MAP1B: variants seen among roughly 807,000 people sequenced by gnomAD.
MAP1B encodes the protein microtubule-associated protein 1B.
In MAP1B, 12 loss-of-function variants were observed where a neutral mutation model predicts 176.1. That is an observed-to-expected ratio of 0.07 (90% confidence interval 0.04 to 0.11). MAP1B has a LOEUF of 0.11. Ranked by LOEUF, MAP1B falls within the 10% of genes least tolerant of loss-of-function variation. MAP1B has a pLI of 1.00. For missense variants in MAP1B, 2,523 were observed against 2,990.5 expected, an observed-to-expected ratio of 0.84 and a Z score of 3.65; for synonymous variants, 1,044 against 1,135.0, an observed-to-expected ratio of 0.92 and a Z score of 1.61.
At chr5:72,113,929 A>T (rs931743567) in intron 1 of MAP1B, among the ~76,000 whole-genome samples, 1 of 152,242 alleles carries the variant, frequency 6.6e-6, no homozygotes, top group Non-Finnish European at 1.5e-5. Context: ...GATCTGCGAA[A>T]TCTCAACATG....
In MAP1B at chr5:72,196,681, A is replaced by G; in HGVS notation, c.3326A>G (p.Gln1109Arg). 6.2e-7 allele frequency: 1 copy of G among 1,614,150 alleles called. No homozygotes were observed. The highest frequency in any genetic ancestry group is 2.2e-5 in the East Asian group (1 of 44,870). The stretch of plus-strand genomic sequence containing the variant: ...TCTGATGAGGAGAATCGAGAAGACC[A>G]GCCTGAGGAATTCACTGCCACCTCT... ...TASDEENRED[Q>R]PEEFTATSGY... Residue 1109 changes from glutamine (Q) to arginine (R), a missense_variant, in exon 5 of 7, where the codon CAG becomes CGG. This residue lies in a region of MAP1B where 1,925 missense variants were observed against 2,126.0 expected (regional missense o/e 0.91). Transcript: ENST00000296755. The surrounding 1 kb of genome is among the most constrained non-coding windows in gnomAD (Gnocchi z 5.3).
intron 2 of MAP1B, among the ~76,000 whole-genome samples, chr5:72,142,302 C>G (rs1353457992): frequency 6.6e-6 from 1 of 152,176 alleles, no homozygotes; most frequent in Non-Finnish European, 1.5e-5. Context: ...ATTGTGCAGA[C>G]TGGATTGTGC....
intron 2 of MAP1B, among the ~76,000 whole-genome samples, chr5:72,131,553 A>G (rs540780630): frequency 5.9e-5 from 9 of 152,342 alleles, no homozygotes; most frequent in Non-Finnish European, 8.8e-5. Context: ...AGTTAAGAAT[A>G]AAGTAAAAGA....
chr5:72,157,439 TAGC>T (rs779024499), intron 2 of MAP1B, among the ~76,000 whole-genome samples: 1 of 152,184 alleles, frequency 6.6e-6, no homozygotes, highest in Non-Finnish European at 1.5e-5. Flanking sequence ...GAAATGCAAA[TAGC>T]AGCAAACACA....
At chr5:72,146,052 A>G (rs1192872913) in intron 2 of MAP1B, among the ~76,000 whole-genome samples, 1 of 152,208 alleles carries the variant, frequency 6.6e-6, no homozygotes, top group Non-Finnish European at 1.5e-5. Flanking sequence ...ATTTTAATTT[A>G]CACTCTTTTT....
intron 1 of MAP1B, 25 bp from the exon 2 acceptor site, chr5:72,115,673 C>G (rs773123663): frequency 1.5e-6 from 2 of 1,313,234 alleles, no homozygotes; most frequent in Non-Finnish European, 2.2e-6. Flanking sequence ...GGAAGTCTCT[C>G]AACTGTCTTT....
chr5:72,179,606 G>A (rs1229622429), intron 2 of MAP1B: 1 of 985,376 alleles, frequency 1.0e-6, no homozygotes, highest in African/African-American at 1.7e-5. Flanking sequence ...GGCGCGTCAG[G>A]GCCCCTCTGC....
At chr5:72,119,529 A>T (rs141530986) in intron 2 of MAP1B, among the ~76,000 whole-genome samples, 1 of 152,358 alleles carries the variant, frequency 6.6e-6, no homozygotes, top group Non-Finnish European at 1.5e-5. Flanking sequence ...GTTTTGAAAC[A>T]GTCTTAGCTA....
In MAP1B at chr5:72,207,361, T is replaced by TAA. The variant is rs1307854010; in HGVS notation, c.*2123_*2124dup. On this transcript the variant is annotated 3_prime_UTR_variant, in exon 7 of 7. Transcript: ENST00000296755. Reference sequence around the variant, plus strand: ...AACATTTTAGTTGATTTTTGTCTGATAAGTCTATGTTTTGCACTGCTAACT... The same window carrying TAA: ...AACATTTTAGTTGATTTTTGTCTGATAAAAGTCTATGTTTTGCACTGCTAACT... The TAA allele has an allele frequency of 6.6e-6, 1 of 152,208 alleles. No individual in the cohort carries two copies. The highest frequency in any genetic ancestry group is 1.9e-4 in the East Asian group (1 of 5,198). The allele number at this position is 152,208 out of a possible 1,614,324, so 9.4% of individuals were successfully genotyped here.
At chr5:72,158,240 C>T (rs1345365610) in intron 2 of MAP1B, among the ~76,000 whole-genome samples, 1 of 150,664 alleles carries the variant, frequency 6.6e-6, no homozygotes, top group African/African-American at 2.4e-5. Context: ...GAAATCCTGA[C>T]CTTGTGATCC....
chr5:72,199,284 A>T lies in MAP1B; in HGVS notation c.5929A>T (p.Thr1977Ser). The T allele has an allele frequency of 6.2e-7, 1 of 1,614,160 alleles. No homozygotes were observed. Among genetic ancestry groups the T allele is most frequent in the South Asian group, 1.1e-5 (1 of 91,084 alleles). ...PEVSGYSYEKTERSRRLLDDI... is the reference protein window; with the variant it reads ...PEVSGYSYEKSERSRRLLDDI... ...AGTGAGTGGTTACAGCTATGAAAAG[A>T]CTGAGAGGTCTAGAAGGCTTCTGGA... The change falls in exon 5 of 7, where the codon ACT becomes TCT. Residue 1977 changes from threonine (T) to serine (S), a missense_variant. Physicochemically the swap from Thr to Ser is moderately conservative, Grantham distance 58. Coordinates refer to ENST00000296755, the MANE Select transcript of MAP1B (RefSeq NM_005909.5). This position sits in a 1 kb window ranked among gnomAD's most constrained non-coding sequence, Gnocchi z 4.2.
chr5:72,139,584 T>C (rs888143342), intron 2 of MAP1B, among the ~76,000 whole-genome samples: 4 of 152,210 alleles, frequency 2.6e-5, no homozygotes, highest in South Asian at 2.1e-4. Context: ...TCCGAAGTCA[T>C]CTTGGTTCAG....
In MAP1B at chr5:72,195,482, CAAGAAGGAAGTTAAGAAGGAAGAG is replaced by C. The variant is rs750497696; in HGVS notation, c.2139_2162del (p.Lys719_Lys726del). On this transcript the variant is annotated inframe_deletion, in exon 5 of 7. Transcript: ENST00000296755. ...AGAAAGAAACACCGCCAAAGGAAGTCAAGAAGGAAGTTAAGAAGGAAGAGAAGAAGGAAGTGAAAAAGGAAGAAA... is the reference window on the plus strand; with the variant it reads ...AGAAAGAAACACCGCCAAAGGAAGTCAAGAAGGAAGTGAAAAAGGAAGAAA... 6.3e-7 allele frequency: 1 copy of C among 1,587,136 alleles called. No homozygotes were observed. The highest frequency in any genetic ancestry group is 8.5e-7 in the Non-Finnish European group (1 of 1,172,676).
intron 2 of MAP1B, among the ~76,000 whole-genome samples, chr5:72,169,756 G>A (rs887077436): frequency 6.6e-6 from 1 of 152,104 alleles, no homozygotes; most frequent in African/African-American, 2.4e-5. Context: ...CTTATAAGTT[G>A]GTTGGAGGCA....
chr5:72,198,138 G>A lies in MAP1B; in HGVS notation c.4783G>A (p.Val1595Met). ...AGATGACTCCCTTTCAGTGTCTGTT[G>A]TGCAAACACCTACCACATTCCAGGA... The part of the protein sequence containing the change: ...EVDDSLSVSV[V>M]QTPTTFQETE... The change falls in exon 5 of 7, where the codon GTG becomes ATG. Residue 1595 changes from valine to methionine, a missense_variant. By Grantham distance (21) the Val-to-Met change is conservative. Around this residue, in one of 4 missense-constraint regions of MAP1B, gnomAD observed 1,925 missense variants for 2,126.0 expected, o/e 0.91. Coordinates refer to ENST00000296755, the MANE Select transcript of MAP1B (RefSeq NM_005909.5). 6.2e-7 allele frequency: 1 copy of A among 1,614,142 alleles called. No homozygotes were observed. Among genetic ancestry groups the A allele is most frequent in the Non-Finnish European group, 8.5e-7 (1 of 1,180,014 alleles).
intron 2 of MAP1B, among the ~76,000 whole-genome samples, chr5:72,143,644 T>G (rs1191812003): frequency 6.6e-6 from 1 of 152,238 alleles, no homozygotes; most frequent in Admixed American, 6.5e-5. Context: ...TCCCCAGGGC[T>G]GCCATAACAA....
At chr5:72,122,641 C>G (rs1253637542) in intron 2 of MAP1B, among the ~76,000 whole-genome samples, 2 of 138,632 alleles carry the variant, frequency 1.4e-5, no homozygotes, top group African/African-American at 5.3e-5. Flanking sequence ...ATTCATCTCA[C>G]TTTTTTTTTT....
chr5:72,184,314 C>T (rs1010750817), intron 3 of MAP1B, among the ~76,000 whole-genome samples: 1 of 152,186 alleles, frequency 6.6e-6, no homozygotes, highest in Non-Finnish European at 1.5e-5. Context: ...TGGGCTGGCA[C>T]CAGGTCACCT....
In MAP1B at chr5:72,144,887, A is replaced by G. The variant is rs149677342; in HGVS notation, c.286+29088A>G. The stretch of plus-strand genomic sequence containing the variant: ...CTGCGTGGGAGAGGTACTAGAATGC[A>G]CTCCTTCTTATAACTGAAACACAGA... On this transcript the variant is annotated intron_variant, in intron 2 of 6. Coordinates refer to ENST00000296755, the MANE Select transcript of MAP1B (RefSeq NM_005909.5). Among the ~76,000 whole-genome samples, 891 of 152,080 alleles carry G rather than the reference A, an allele frequency of 5.9e-3. 9 individuals are homozygous for G. Among genetic ancestry groups the G allele is most frequent in the African/African-American group, 0.02 (849 of 41,460 alleles).
Sources: gnomAD v4.1 joint callset for allele counts (sites outside exome capture counted in the v4.1 genomes callset) on GRCh38, gnomAD v4.1.1 for gene constraint, gnomAD v4.1.1 regional missense constraint, Gnocchi (gnomAD v3.1) non-coding constraint, MANE v1.5 for transcripts, NCBI Gene and HGNC (gene_info 2026-07-23, HGNC 2026-07-21) for gene names.